The following CREM variants were observed in gnomAD, a reference collection of about 807,000 sequenced individuals.
The protein encoded by CREM is cAMP-responsive element modulator.
A neutral mutation model predicts 37.3 loss-of-function variants in CREM; 13 were observed. The observed-to-expected ratio is 0.35, with a 90% CI of 0.23 to 0.55. CREM has a LOEUF of 0.55. CREM is among the 20% of genes least tolerant of loss of function. CREM has a pLI of 0.88. For synonymous variants in CREM, 124 were observed against 120.2 expected, an observed-to-expected ratio of 1.03 and a Z score of -0.21; for missense variants, 296 against 362.3, an observed-to-expected ratio of 0.82 and a Z score of 1.49.
In CREM at chr10:35,211,438, G is replaced by A. The variant is rs2095663648; in HGVS notation, c.*40G>A. 1 of 1,598,464 alleles carries A rather than the reference G, an allele frequency of 6.3e-7. No individual in the cohort carries two copies. The highest frequency in any genetic ancestry group is 1.3e-5 in the African/African-American group (1 of 74,572). ...GACCTTGTTTACTCTAATCAAGGCAGGAGATGCAGCAGTCCTACTTATTGC... is the reference window on the plus strand; with the variant it reads ...GACCTTGTTTACTCTAATCAAGGCAAGAGATGCAGCAGTCCTACTTATTGC... On this transcript the variant is annotated 3_prime_UTR_variant, in exon 8 of 8. Transcript: ENST00000685392.
In CREM at chr10:35,179,289, C is replaced by G; in HGVS notation, c.409+13C>G. ...ACGGGGCAATACAGTATGTATGCTG[C>G]AATTCGATATGATACAGTGCTAGCT... On this transcript the variant is annotated intron_variant, in intron 5 of 7. Coordinates refer to ENST00000685392, the MANE Select transcript of CREM (RefSeq NM_183011.2). The G allele has an allele frequency of 6.2e-7, 1 of 1,612,988 alleles. No homozygotes were observed. The highest frequency in any genetic ancestry group is 8.5e-7 in the Non-Finnish European group (1 of 1,179,562).
chr10:35,210,377 G>A (rs1443868226), intron 7 of CREM: 3 of 152,164 alleles, frequency 2.0e-5, no homozygotes, highest in South Asian at 2.1e-4. Flanking sequence ...TTTTGGTGGG[G>A]TTATGTATGA....
intron 7 of CREM, among the ~76,000 whole-genome samples, chr10:35,208,320 A>C (rs2095584572): frequency 6.6e-6 from 1 of 152,112 alleles, no homozygotes; most frequent in East Asian, 1.9e-4. Context: ...CTTGCTCCAT[A>C]TCTCTGTCAT....
chr10:35,175,812 AAAG>A, intron 3 of CREM: 1 of 1,611,446 alleles, frequency 6.2e-7, no homozygotes, highest in African/African-American at 1.3e-5. Context: ...CAATAACAAA[AAAG>A]GTCCAGCTTT....
At chr10:35,209,267 T>G in intron 7 of CREM, 1 of 969,652 alleles carries the variant, frequency 1.0e-6, no homozygotes, top group Non-Finnish European at 1.2e-6. Flanking sequence ...TATCTCATTA[T>G]ATCGTATTTC....
chr10:35,191,820 A>T (rs2094929995), intron 6 of CREM, among the ~76,000 whole-genome samples: 1 of 151,846 alleles, frequency 6.6e-6, no homozygotes, highest in African/African-American at 2.4e-5. Flanking sequence ...ACTCCCTCCC[A>T]CGCTGGCTTC....
chr10:35,127,248 G>C (rs2087945810), intron 1 of CREM, 55 bp downstream of exon 1: 1 of 153,332 alleles, frequency 6.5e-6, no homozygotes. Flanking sequence ...ACGCGGCGCA[G>C]GAGGTGGAGG....
At chr10:35,138,077 C>T (rs937420505) in intron 2 of CREM, among the ~76,000 whole-genome samples, 198 bp downstream of exon 2, 8 of 152,132 alleles carry the variant, frequency 5.3e-5, no homozygotes, top group African/African-American at 1.2e-4. Context: ...GGAGATGTGT[C>T]GGTATGTCAG....
In CREM at chr10:35,211,846, T is replaced by C. The variant is rs113826847; in HGVS notation, c.*448T>C. 691 of 1,546,662 alleles carry C rather than the reference T, an allele frequency of 4.5e-4. 1 individual carries two copies. The African/African-American group carries it at 8.3e-3, about 19-fold the overall frequency. On this transcript the variant is annotated 3_prime_UTR_variant, in exon 8 of 8. Coordinates refer to ENST00000685392, the MANE Select transcript of CREM (RefSeq NM_183011.2). Reference sequence around the variant, plus strand: ...CTGAAGGCAGCATGTATAGTTGCTTTTGAAGGAATACAATATATAGCTGGC... The same window carrying C: ...CTGAAGGCAGCATGTATAGTTGCTTCTGAAGGAATACAATATATAGCTGGC...
intron 7 of CREM, among the ~76,000 whole-genome samples, chr10:35,207,940 G>A (rs4934736): frequency 0.33 from 50,194 of 152,010 alleles, 8,392 homozygotes; most frequent in Non-Finnish European, 0.35. Context: ...TTGTAAGGGT[G>A]ATGTCCAAAA....
chr10:35,183,792 G>T (rs190997052), intron 5 of CREM, among the ~76,000 whole-genome samples: 1 of 152,228 alleles, frequency 6.6e-6, no homozygotes, highest in Non-Finnish European at 1.5e-5. Context: ...TATATAACAT[G>T]GGCCGGGCGT....
intron 1 of CREM, 60 bp from the exon 2 acceptor site, chr10:35,137,722 T>C (rs1037396390): frequency 3.1e-6 from 2 of 655,512 alleles, no homozygotes; most frequent in Non-Finnish European, 4.9e-6. Context: ...AAATTTAATT[T>C]GAGAGTTTTT....
At chr10:35,145,181 G>A (rs1244929093) in intron 2 of CREM, among the ~76,000 whole-genome samples, 1 of 134,898 alleles carries the variant, frequency 7.4e-6, no homozygotes, top group Non-Finnish European at 1.6e-5. Flanking sequence ...AAAAAAAAAA[G>A]GTATTATTCC....
chr10:35,165,411 A>G (rs2093501961), intron 3 of CREM, among the ~76,000 whole-genome samples: 1 of 152,200 alleles, frequency 6.6e-6, no homozygotes, highest in South Asian at 2.1e-4. Flanking sequence ...ATATTTCAAC[A>G]TGAGATTGGG....
intron 1 of CREM, 60 bp downstream of exon 1, chr10:35,127,253 T>TGGAGGTGGAGGCA (rs2087950629): frequency 6.9e-6 from 1 of 145,952 alleles, no homozygotes; most frequent in Non-Finnish European, 1.5e-5. Flanking sequence ...GCGCAGGAGG[T>TGGAGGTGGAGGCA]GGAGGTGGAG....
chr10:35,194,611 T>G (rs1214098901), intron 6 of CREM, among the ~76,000 whole-genome samples: 1 of 152,268 alleles, frequency 6.6e-6, no homozygotes, highest in Admixed American at 6.5e-5. Flanking sequence ...TTAGGAAGAG[T>G]TGGATTTTTT....
intron 2 of CREM, among the ~76,000 whole-genome samples, chr10:35,144,849 T>C (rs2091882041): frequency 6.6e-6 from 1 of 151,936 alleles, no homozygotes; most frequent in Admixed American, 6.6e-5. Flanking sequence ...ATAGTTATTA[T>C]AAATATCAGT....
At chr10:35,140,549 A>AC (rs1486589199) in intron 2 of CREM, among the ~76,000 whole-genome samples, 1 of 152,218 alleles carries the variant, frequency 6.6e-6, no homozygotes, top group Non-Finnish European at 1.5e-5. Context: ...CATATACTGT[A>AC]CTAGGCACTG....
At chr10:35,194,097 CAAAAAAAAA>C (rs371978117) in intron 6 of CREM, among the ~76,000 whole-genome samples, 31 of 25,052 alleles carry the variant, frequency 1.2e-3, no homozygotes, top group South Asian at 3.0e-3. Flanking sequence ...GACTTCATCT[CAAAAAAAAA>C]AAAAAAAAAA....
Sources: gnomAD v4.1 joint callset for allele counts (sites outside exome capture counted in the v4.1 genomes callset) on GRCh38, gnomAD v4.1.1 for gene constraint, MANE v1.5 for transcripts, NCBI Gene and HGNC (gene_info 2026-07-23, HGNC 2026-07-21) for gene names.